The following PTPRG variants were observed in gnomAD, a reference collection of about 807,000 sequenced individuals.
PTPRG encodes the protein receptor-type tyrosine-protein phosphatase gamma.
In PTPRG, 102 loss-of-function variants were observed where a neutral mutation model predicts 165.3. The ratio of observed to expected loss-of-function variants is 0.62; its 90% confidence interval spans 0.53 to 0.73. PTPRG has a LOEUF of 0.73. Ranked by LOEUF, PTPRG falls within the 30% of genes least tolerant of loss-of-function variation. The pLI is 0.00. For missense variants in PTPRG, 1,866 were observed against 1,861.4 expected (o/e 1.00, Z -0.05); for synonymous variants, 675 against 669.5 (o/e 1.01, Z -0.13).
At chr3:61,775,529 C>A (rs929312520) in intron 2 of PTPRG, among the ~76,000 whole-genome samples, 12 of 152,182 alleles carry the variant, frequency 7.9e-5, no homozygotes, top group Non-Finnish European at 1.0e-4. Flanking sequence ...TAATGGAAAT[C>A]TTCTTTTTGA....
intron 3 of PTPRG, among the ~76,000 whole-genome samples, chr3:61,993,644 T>A (rs1488082124): frequency 6.6e-6 from 1 of 152,212 alleles, no homozygotes; most frequent in Non-Finnish European, 1.5e-5. Flanking sequence ...AAGTTTAATT[T>A]AAAAAAATTC....
At chr3:62,096,600 G>A (rs1388706199) in intron 5 of PTPRG, among the ~76,000 whole-genome samples, 1 of 152,136 alleles carries the variant, frequency 6.6e-6, no homozygotes, top group Non-Finnish European at 1.5e-5. Flanking sequence ...GCTTTCCATT[G>A]TAAATGTTAA....
At chr3:62,258,861 T>C (rs934230772) in intron 16 of PTPRG, among the ~76,000 whole-genome samples, 2 of 152,298 alleles carry the variant, frequency 1.3e-5, no homozygotes, top group African/African-American at 4.8e-5. Context: ...TATTAAAAGA[T>C]TGACAGCCTC....
At chr3:62,007,684 A>C (rs1166794684) in intron 4 of PTPRG, among the ~76,000 whole-genome samples, 1 of 152,220 alleles carries the variant, frequency 6.6e-6, no homozygotes, top group Non-Finnish European at 1.5e-5. Context: ...TCATGTAAAT[A>C]TATGTGCAAT....
At chr3:61,742,768 T>C in intron 1 of PTPRG, 2 of 1,611,942 alleles carry the variant, frequency 1.2e-6, no homozygotes, top group Non-Finnish European at 1.7e-6. Context: ...GATCAGAGAC[T>C]CTGAGGCCAA....
At chr3:61,700,005 T>G (rs1487682264) in intron 1 of PTPRG, among the ~76,000 whole-genome samples, 1 of 152,102 alleles carries the variant, frequency 6.6e-6, no homozygotes, top group Non-Finnish European at 1.5e-5. Flanking sequence ...CAAGTTTAGG[T>G]CAGTGATATC....
intron 7 of PTPRG, among the ~76,000 whole-genome samples, chr3:62,160,673 G>C (rs1475363953): frequency 6.6e-6 from 1 of 152,238 alleles, no homozygotes; most frequent in Non-Finnish European, 1.5e-5. Context: ...CTTCTCAGAT[G>C]ATGGTTCTTT....
At chr3:62,290,862 C>A (rs1297808042) in intron 28 of PTPRG, among the ~76,000 whole-genome samples, 1 of 152,012 alleles carries the variant, frequency 6.6e-6, no homozygotes, top group Non-Finnish European at 1.5e-5. Context: ...TTAGAGAAAG[C>A]ATTCTCAAAC....
At chr3:62,089,491 A>G (rs1285072212) in intron 5 of PTPRG, among the ~76,000 whole-genome samples, 1 of 152,206 alleles carries the variant, frequency 6.6e-6, no homozygotes, top group Admixed American at 6.5e-5. Context: ...AACGTCCATG[A>G]TAGAAATATT....
intron 2 of PTPRG, among the ~76,000 whole-genome samples, chr3:61,883,928 C>T (rs553340556): frequency 1.8e-4 from 28 of 152,290 alleles, no homozygotes; most frequent in Middle Eastern, 3.4e-3. Context: ...GTTGCTCAGG[C>T]TGTTCTTGAA....
intron 1 of PTPRG, among the ~76,000 whole-genome samples, chr3:61,692,408 G>A (rs918006822): frequency 9.9e-5 from 15 of 152,162 alleles, no homozygotes; most frequent in Non-Finnish European, 2.1e-4. Flanking sequence ...GTAAGTTACA[G>A]GTTGTGGCAC....
chr3:61,935,001 C>T (rs1006023509), intron 2 of PTPRG, among the ~76,000 whole-genome samples: 1 of 152,098 alleles, frequency 6.6e-6, no homozygotes, highest in Non-Finnish European at 1.5e-5. Context: ...CCCAACACGT[C>T]CCTTCCACCT....
chr3:62,135,287 G>T (rs867313660), intron 6 of PTPRG, among the ~76,000 whole-genome samples: 27 of 147,502 alleles, frequency 1.8e-4, no homozygotes, highest in Middle Eastern at 3.6e-3. Context: ...AAAAAAAAAA[G>T]AAATAAAAAT....
At chr3:61,811,137 G>T (rs182834224) in intron 2 of PTPRG, among the ~76,000 whole-genome samples, 1 of 152,192 alleles carries the variant, frequency 6.6e-6, no homozygotes, top group East Asian at 1.9e-4. Flanking sequence ...CTCACTTCTG[G>T]CTGAACTTTG....
At chr3:61,603,078 C>G (rs953752483) in intron 1 of PTPRG, among the ~76,000 whole-genome samples, 2 of 152,132 alleles carry the variant, frequency 1.3e-5, no homozygotes, top group Admixed American at 1.3e-4. Context: ...AATGGGTCAT[C>G]ATGGGAATAT....
At chr3:61,840,778 G>GTTTTTTTTTTTTTTT (rs1421518243) in intron 2 of PTPRG, among the ~76,000 whole-genome samples, 2 of 106,190 alleles carry the variant, frequency 1.9e-5, no homozygotes, top group Admixed American at 9.0e-5. Context: ...TTTTTTGTTT[G>GTTTTTTTTTTTTTTT]TTTGTTTTTT....
chr3:61,950,044 C>G (rs1209143498), intron 2 of PTPRG, among the ~76,000 whole-genome samples: 1 of 152,224 alleles, frequency 6.6e-6, no homozygotes, highest in African/African-American at 2.4e-5. Flanking sequence ...CTGAGCCCGG[C>G]CAAGCCTTTA....
At chr3:62,022,467 G>T (rs552735364) in intron 4 of PTPRG, among the ~76,000 whole-genome samples, 12 of 152,304 alleles carry the variant, frequency 7.9e-5, no homozygotes, top group African/African-American at 2.4e-4. Flanking sequence ...TCAGGAGAGG[G>T]TGGAAAGTTC....
chr3:61,880,091 A>C (rs556904132), intron 2 of PTPRG, among the ~76,000 whole-genome samples: 9 of 152,362 alleles, frequency 5.9e-5, no homozygotes, highest in African/African-American at 1.9e-4. Flanking sequence ...TGATTCCAGT[A>C]ATACAATGTC....
Sources: gnomAD v4.1 joint callset for allele counts (sites outside exome capture counted in the v4.1 genomes callset) on GRCh38, gnomAD v4.1.1 for gene constraint, MANE v1.5 for transcripts, NCBI Gene and HGNC (gene_info 2026-07-23, HGNC 2026-07-21) for gene names.